GRIA4: variants seen among roughly 807,000 people sequenced by gnomAD.
GRIA4 encodes the protein glutamate receptor 4.
GRIA4 carries 34 observed loss-of-function variants against 104.0 expected under a neutral mutation model. That is an observed-to-expected ratio of 0.33 (90% confidence interval 0.25 to 0.44). GRIA4 has a LOEUF of 0.44. GRIA4 is among the 20% of genes least tolerant of loss of function. GRIA4 has a pLI of 1.00. For missense variants in GRIA4, 750 were observed against 1,096.5 expected (o/e 0.68, Z 4.46); for synonymous variants, 386 against 381.9 (o/e 1.01, Z -0.13).
chr11:105,761,287 GT>G, intron 4 of GRIA4, among the ~76,000 whole-genome samples: 1 of 151,884 alleles, frequency 6.6e-6, no homozygotes, highest in South Asian at 2.1e-4. Flanking sequence ...AGCTACTCAT[GT>G]TTTCTTTTGG....
intron 4 of GRIA4, among the ~76,000 whole-genome samples, chr11:105,774,257 A>G (rs887241509): frequency 2.6e-5 from 4 of 151,672 alleles, no homozygotes; most frequent in Admixed American, 2.0e-4. Context: ...ATATAAAACT[A>G]TTTAAAAATA....
chr11:105,776,897 C>A (rs187850763), intron 4 of GRIA4, among the ~76,000 whole-genome samples: 123 of 152,298 alleles, frequency 8.1e-4, no homozygotes, highest in South Asian at 1.0e-3. Flanking sequence ...TATTTCTAAT[C>A]TCAAACTGCA....
intron 11 of GRIA4, among the ~76,000 whole-genome samples, chr11:105,922,925 T>C (rs1195281540): frequency 6.6e-6 from 1 of 152,162 alleles, no homozygotes; most frequent in Non-Finnish European, 1.5e-5. Context: ...GGGAAAATAA[T>C]AACCTTCCAG....
chr11:105,874,448 G>A (rs935465196), intron 5 of GRIA4, among the ~76,000 whole-genome samples: 11 of 151,964 alleles, frequency 7.2e-5, no homozygotes, highest in Admixed American at 2.6e-4. Flanking sequence ...TTTCTAACCC[G>A]GTGAAGAAAG....
intron 3 of GRIA4, among the ~76,000 whole-genome samples, chr11:105,684,767 T>C (rs1008652493): frequency 6.6e-6 from 1 of 151,640 alleles, no homozygotes; most frequent in Non-Finnish European, 1.5e-5. Flanking sequence ...CTTTTAGAAT[T>C]GTTAATACTG....
intron 14 of GRIA4, among the ~76,000 whole-genome samples, chr11:105,969,291 A>G (rs1858558109): frequency 6.6e-6 from 1 of 152,208 alleles, no homozygotes; most frequent in African/African-American, 2.4e-5. Context: ...AAAAATGGAA[A>G]GGAAAAAAAG....
chr11:105,776,037 A>G (rs1941433331), intron 4 of GRIA4, among the ~76,000 whole-genome samples: 1 of 152,124 alleles, frequency 6.6e-6, no homozygotes, highest in Admixed American at 6.6e-5. Context: ...TATTTATTGA[A>G]TACTCCAGCA....
intron 4 of GRIA4, among the ~76,000 whole-genome samples, chr11:105,782,863 G>A (rs950072917): frequency 1.3e-5 from 2 of 152,174 alleles, no homozygotes; most frequent in Admixed American, 6.5e-5. Context: ...TTGAGGTCTC[G>A]CTTCAGCATT....
At chr11:105,769,513 G>A (rs768241091) in intron 4 of GRIA4, among the ~76,000 whole-genome samples, 3 of 152,062 alleles carry the variant, frequency 2.0e-5, no homozygotes, top group Non-Finnish European at 2.9e-5. Context: ...TACTTTGAGG[G>A]AGAATGGGGC....
chr11:105,780,258 C>T (rs11226848), intron 4 of GRIA4, among the ~76,000 whole-genome samples: 69,009 of 151,932 alleles, frequency 0.45, 16,077 homozygotes, highest in Middle Eastern at 0.52. Flanking sequence ...GTTGTTAGTG[C>T]GGGAAAGAAA....
At chr11:105,762,893 G>A (rs1029028825) in intron 4 of GRIA4, among the ~76,000 whole-genome samples, 5 of 152,120 alleles carry the variant, frequency 3.3e-5, no homozygotes, top group Non-Finnish European at 7.4e-5. Context: ...GTGAGAACAG[G>A]CTAATACATA....
chr11:105,792,502 T>C (rs1047898972), intron 4 of GRIA4, among the ~76,000 whole-genome samples: 1 of 152,122 alleles, frequency 6.6e-6, no homozygotes, highest in Non-Finnish European at 1.5e-5. Context: ...AGGTACTTTT[T>C]CATGTGGAAA....
Position 105,871,197 on chromosome 11 carries a change from T to C in GRIA4, c.672+8989T>C, listed in dbSNP as rs190517127. Among the ~76,000 whole-genome samples, 907 of 152,222 alleles carry C rather than the reference T, an allele frequency of 6.0e-3. 6 individuals are homozygous for C. The highest frequency in any genetic ancestry group is 0.02 in the African/African-American group (844 of 41,556). On this transcript the variant is annotated intron_variant, in intron 5 of 16. Transcript: ENST00000282499. ...AAATTATTAATGTATTAAATTTGTTTATTAAATGTCTAATTTGCCAAACAC... is the reference window on the plus strand; with the variant it reads ...AAATTATTAATGTATTAAATTTGTTCATTAAATGTCTAATTTGCCAAACAC...
chr11:105,802,992 A>T (rs1942787969), intron 4 of GRIA4, among the ~76,000 whole-genome samples: 1 of 151,980 alleles, frequency 6.6e-6, no homozygotes, highest in South Asian at 2.1e-4. Flanking sequence ...TCTTTGACTT[A>T]AATCACAGTA....
At chr11:105,825,726 A>G (rs1480348175) in intron 4 of GRIA4, among the ~76,000 whole-genome samples, 2 of 152,042 alleles carry the variant, frequency 1.3e-5, no homozygotes, top group African/African-American at 4.8e-5. Context: ...CATCAGTCAC[A>G]GTCATTTAGC....
At chr11:105,636,094 A>G (rs1951194643) in intron 3 of GRIA4, among the ~76,000 whole-genome samples, 1 of 152,174 alleles carries the variant, frequency 6.6e-6, no homozygotes, top group South Asian at 2.1e-4. Context: ...TGAGCATGAA[A>G]CAGATTTGGA....
At chr11:105,769,040 G>C (rs1214870384) in intron 4 of GRIA4, among the ~76,000 whole-genome samples, 1 of 152,074 alleles carries the variant, frequency 6.6e-6, no homozygotes, top group Non-Finnish European at 1.5e-5. Context: ...CAACATTCAT[G>C]GAAAGTAGTC....
chr11:105,696,051 T>C (rs770696462), intron 3 of GRIA4, among the ~76,000 whole-genome samples: 3 of 152,238 alleles, frequency 2.0e-5, no homozygotes, highest in Non-Finnish European at 2.9e-5. Flanking sequence ...TTCAATTTCC[T>C]GAAGGCATCA....
intron 4 of GRIA4, among the ~76,000 whole-genome samples, chr11:105,827,432 G>A (rs1943811976): frequency 6.6e-6 from 1 of 151,826 alleles, no homozygotes; most frequent in Non-Finnish European, 1.5e-5. Flanking sequence ...ATAACCTGAA[G>A]TTGAATTTCT....
Sources: gnomAD v4.1 joint callset for allele counts (sites outside exome capture counted in the v4.1 genomes callset) on GRCh38, gnomAD v4.1.1 for gene constraint, MANE v1.5 for transcripts, NCBI Gene and HGNC (gene_info 2026-07-23, HGNC 2026-07-21) for gene names.